Variants in KIRREL3 observed in about 807,000 individuals in gnomAD.
KIRREL3 encodes kirre like nephrin family adhesion molecule 3.
In KIRREL3, 36 loss-of-function variants were observed where a neutral mutation model predicts 89.7. The observed-to-expected ratio is 0.40, with a 90% confidence interval of 0.31 to 0.53. The LOEUF is 0.53. Among genes scored for constraint, KIRREL3 ranks in the 20% least tolerant of loss-of-function variants. The pLI is 0.49. For synonymous variants in KIRREL3, 445 were observed against 441.4 expected, an observed-to-expected ratio of 1.01 and a Z score of -0.10; for missense variants, 864 against 1,056.6, an observed-to-expected ratio of 0.82 and a Z score of 2.53.
intron 1 of KIRREL3, among the ~76,000 whole-genome samples, chr11:126,836,624 T>C (rs1943790838): frequency 6.6e-6 from 1 of 152,244 alleles, no homozygotes; most frequent in Non-Finnish European, 1.5e-5. Context: ...CAACTTTCTG[T>C]TGTGCATATG....
At chr11:126,829,919 T>G (rs1374543441) in intron 1 of KIRREL3, among the ~76,000 whole-genome samples, 1 of 151,676 alleles carries the variant, frequency 6.6e-6, no homozygotes, top group Admixed American at 6.6e-5. Context: ...TGGGAGGGAG[T>G]GAGTTTTGTC....
At chr11:126,869,360 G>A (rs972809295) in intron 1 of KIRREL3, among the ~76,000 whole-genome samples, 5 of 152,040 alleles carry the variant, frequency 3.3e-5, no homozygotes, top group African/African-American at 4.8e-5. Context: ...ATAAGGAACC[G>A]TTGCTGCCTA....
At chr11:126,847,772 C>T (rs1480030741) in intron 1 of KIRREL3, among the ~76,000 whole-genome samples, 1 of 152,188 alleles carries the variant, frequency 6.6e-6, no homozygotes, top group Non-Finnish European at 1.5e-5. Flanking sequence ...GAGTAAAGTA[C>T]ACTCCTGTAA....
intron 1 of KIRREL3, among the ~76,000 whole-genome samples, chr11:126,901,770 A>G (rs893962228): frequency 6.6e-6 from 1 of 152,200 alleles, no homozygotes; most frequent in Non-Finnish European, 1.5e-5. Context: ...GAGTTTGAAA[A>G]TCATCCCTTC....
intron 4 of KIRREL3, among the ~76,000 whole-genome samples, chr11:126,504,182 T>A (rs1029291478): frequency 7.2e-5 from 11 of 152,152 alleles, no homozygotes; most frequent in African/African-American, 2.7e-4. Context: ...GACCCCTCTC[T>A]TTCTCTCATA....
intron 1 of KIRREL3, among the ~76,000 whole-genome samples, chr11:126,865,516 A>G (rs1032658067): frequency 6.6e-6 from 1 of 152,246 alleles, no homozygotes; most frequent in East Asian, 1.9e-4. Context: ...GGGCCACCAC[A>G]GCAGAATCCC....
chr11:126,478,579 A>G (rs1235233322), intron 4 of KIRREL3, among the ~76,000 whole-genome samples: 4 of 151,410 alleles, frequency 2.6e-5, no homozygotes, highest in African/African-American at 4.9e-5. Flanking sequence ...ATATGTGTGT[A>G]CACGTGTGTA....
Position 126,682,285 on chromosome 11 carries a change from T to A in KIRREL3, c.56-119373A>T, listed in dbSNP as rs1486938476. ...TGCATTCTGCTATGCATAGTCGCCC[T>A]CTCTTCCTTCTAGGTTAGAGTGGGT... On this transcript the variant is annotated intron_variant, in intron 1 of 16. Coordinates refer to ENST00000525144, the MANE Select transcript of KIRREL3 (RefSeq NM_032531.4). The surrounding 1 kb of genome is among the most constrained non-coding windows in gnomAD (Gnocchi z 4.8). Among the ~76,000 whole-genome samples, 1 of 152,110 alleles carries A rather than the reference T, an allele frequency of 6.6e-6. No homozygotes were observed. Among genetic ancestry groups the A allele is most frequent in the Non-Finnish European group, 1.5e-5 (1 of 68,018 alleles).
intron 1 of KIRREL3, among the ~76,000 whole-genome samples, chr11:126,813,465 G>A (rs888193273): frequency 2.0e-5 from 3 of 152,236 alleles, no homozygotes; most frequent in East Asian, 1.9e-4. Context: ...TGGTTAAAAA[G>A]TTATAAATAT....
At position 126,860,568 on chromosome 11, in the gene KIRREL3, C is replaced by A. The variant is rs1180105261; in HGVS notation, c.55+139887G>T. ...GGCCAGGCAGCAGGCGGCGTGGAGGCAGAGGGGCCAGGCAGCCAAAGGCCT... is the reference window on the plus strand; with the variant it reads ...GGCCAGGCAGCAGGCGGCGTGGAGGAAGAGGGGCCAGGCAGCCAAAGGCCT... On this transcript the variant is annotated intron_variant, in intron 1 of 16. Transcript: ENST00000525144. The surrounding 1 kb of genome is among the most constrained non-coding windows in gnomAD (Gnocchi z 4.6). 6.6e-6 allele frequency among the ~76,000 whole-genome samples: 1 copy of A among 152,098 alleles called. No individual in the cohort carries two copies. Among genetic ancestry groups the A allele is most frequent in the Admixed American group, 6.5e-5 (1 of 15,274 alleles).
intron 1 of KIRREL3, among the ~76,000 whole-genome samples, chr11:126,889,768 A>C (rs1945840463): frequency 6.6e-6 from 1 of 152,258 alleles, no homozygotes. Flanking sequence ...AAAAATTATG[A>C]GAGCAATTTA....
chr11:126,659,367 CA>C (rs1469217812), intron 1 of KIRREL3, among the ~76,000 whole-genome samples: 1 of 152,038 alleles, frequency 6.6e-6, no homozygotes, highest in Non-Finnish European at 1.5e-5. Context: ...AGTAAGCACT[CA>C]AAAAATAGGA....
At chr11:126,815,756 C>T (rs1044806371) in intron 1 of KIRREL3, among the ~76,000 whole-genome samples, 39 of 152,094 alleles carry the variant, frequency 2.6e-4, no homozygotes, top group Admixed American at 2.2e-3. Context: ...AGGACGGTCT[C>T]GATCTCCTGA....
In KIRREL3 at chr11:126,664,560, G is replaced by A. The variant is rs573223562; in HGVS notation, c.56-101648C>T. Among the ~76,000 whole-genome samples the A allele has an allele frequency of 1.1e-3, 172 of 152,340 alleles. 3 individuals carry two copies. The South Asian group carries it at 0.026, about 23-fold the overall frequency. ...TGGGGATACTGAAAGGGATGAAGAA[G>A]TTCGGCCTCACCTCTTGAGGATCAT... is the stretch of plus-strand genomic sequence containing the variant. On this transcript the variant is annotated intron_variant, in intron 1 of 16. Transcript: ENST00000525144. This position sits in a 1 kb window ranked among gnomAD's most constrained non-coding sequence, Gnocchi z 5.4.
At position 126,459,593 on chromosome 11, in the gene KIRREL3, T is replaced by A. The variant is rs1052443382; in HGVS notation, c.743-3139A>T. ...TCATATCCAACTATTAAACATGATT[T>A]TAATCTCACTTGTGATGTCGGCAGC... On this transcript the variant is annotated intron_variant, in intron 6 of 16. Transcript: ENST00000525144. The surrounding 1 kb of genome is among the most constrained non-coding windows in gnomAD (Gnocchi z 4.8). 2.6e-5 allele frequency among the ~76,000 whole-genome samples: 4 copies of A among 152,234 alleles called. No homozygotes were observed. Among genetic ancestry groups the A allele is most frequent in the Non-Finnish European group, 5.9e-5 (4 of 68,044 alleles).
At position 126,879,499 on chromosome 11, in the gene KIRREL3, C is replaced by T. The variant is rs968860744; in HGVS notation, c.55+120956G>A. ...GATAACTATAGGTCCTTCTGATCAA[C>T]ACCATGGTCCTTTCTCCCCTCTGAT... On this transcript the variant is annotated intron_variant, in intron 1 of 16. Coordinates refer to ENST00000525144, the MANE Select transcript of KIRREL3 (RefSeq NM_032531.4). This position sits in a 1 kb window ranked among gnomAD's most constrained non-coding sequence, Gnocchi z 5.4. Among the ~76,000 whole-genome samples the T allele has an allele frequency of 1.3e-5, 2 of 152,164 alleles. No homozygotes were observed. Among genetic ancestry groups the T allele is most frequent in the African/African-American group, 2.4e-5 (1 of 41,440 alleles).
At chr11:126,806,781 A>G (rs1442392912) in intron 1 of KIRREL3, among the ~76,000 whole-genome samples, 1 of 152,126 alleles carries the variant, frequency 6.6e-6, no homozygotes, top group Non-Finnish European at 1.5e-5. Flanking sequence ...CCCATCATCT[A>G]GGTTTTAAGC....
At position 127,000,366 on chromosome 11, in the gene KIRREL3, C is replaced by A. The variant is rs772594509; in HGVS notation, c.55+89G>T. 8.8e-7 allele frequency: 1 copy of A among 1,140,608 alleles called. No individual in the cohort carries two copies. The highest frequency in any genetic ancestry group is 1.3e-6 in the Non-Finnish European group (1 of 795,342). 70.7% of individuals were successfully genotyped at this position (1,140,608 alleles called of 1,614,324 possible). A position where few individuals can be genotyped will look rare whatever the true frequency, so the allele number is the denominator to read the frequency against. ...AGACGCATCCATCAGTCCGAGTTCCCGAAGCCTGCCCACGTTCCTGCCCAC... is the reference window on the plus strand; with the variant it reads ...AGACGCATCCATCAGTCCGAGTTCCAGAAGCCTGCCCACGTTCCTGCCCAC... On this transcript the variant is annotated intron_variant, in intron 1 of 16. Coordinates refer to ENST00000525144, the MANE Select transcript of KIRREL3 (RefSeq NM_032531.4). The surrounding 1 kb of genome is among the most constrained non-coding windows in gnomAD (Gnocchi z 7.1).
In KIRREL3 at chr11:126,462,673, T is replaced by A. The variant is rs115482759; in HGVS notation, c.742+484A>T. ...AGAGTGAGACTCTGTCTCGAAAGAA[T>A]AAAAAAAAGATTAAATGAGATAATA... On this transcript the variant is annotated intron_variant, in intron 6 of 16. Transcript: ENST00000525144. The surrounding 1 kb of genome is among the most constrained non-coding windows in gnomAD (Gnocchi z 4.8). Among the ~76,000 whole-genome samples the A allele has an allele frequency of 2.9e-3, 442 of 151,934 alleles. 4 individuals carry two copies. Among genetic ancestry groups the A allele is most frequent in the African/African-American group, 0.01 (420 of 41,410 alleles).
Sources: allele counts gnomAD v4.1 joint callset (sites outside exome capture counted in the v4.1 genomes callset), GRCh38; gene constraint gnomAD v4.1.1; non-coding constraint Gnocchi (gnomAD v3.1); transcripts MANE v1.5; gene names NCBI Gene and HGNC (gene_info 2026-07-23, HGNC 2026-07-21).